The following PARL variants were observed in gnomAD, a reference collection of about 807,000 sequenced individuals.
PARL encodes the protein presenilin-associated rhomboid-like protein, mitochondrial.
A neutral mutation model predicts 51.6 loss-of-function variants in PARL; 44 were observed. The ratio of observed to expected loss-of-function variants is 0.85; its 90% CI spans 0.67 to 1.10. PARL has a LOEUF of 1.10. PARL is among the 50% of genes least tolerant of loss of function. The pLI, the probability that PARL is intolerant of heterozygous loss-of-function variation, is 0.00. For missense variants in PARL, 441 were observed against 469.5 expected, an observed-to-expected ratio of 0.94 and a Z score of 0.56; for synonymous variants, 172 against 164.0, an observed-to-expected ratio of 1.05 and a Z score of -0.37.
rs1305038159 is a variant in PARL at position 183,848,231 on chromosome 3, TTTTG to T, written c.512-3909_512-3906del. Among the ~76,000 whole-genome samples, 9 of 152,306 alleles carry T rather than the reference TTTTG, an allele frequency of 5.9e-5. 1 individual carries two copies. The highest frequency in any genetic ancestry group is 6.8e-3 in the Middle Eastern group (2 of 294). Reference sequence around the variant, plus strand: ...TCAAAACACCTAGCTTTGCAGCGTTTTTTGTTTGTTTATTCATTTTTTTCTTTTT... The same window carrying T: ...TCAAAACACCTAGCTTTGCAGCGTTTTTTGTTTATTCATTTTTTTCTTTTT... On this transcript the variant is annotated intron_variant, in intron 4 of 9. Transcript: ENST00000317096.
At chr3:183,843,083 C>G in intron 5 of PARL, 1 of 356,920 alleles carries the variant, frequency 2.8e-6, no homozygotes, top group Non-Finnish European at 3.9e-6. Context: ...GGGGTTTCAC[C>G]ATGTTTCCCA....
rs1406548426 is a variant in PARL at position 183,884,854 on chromosome 3, A to C, written c.-8T>G. Reference sequence around the variant, plus strand: ...CCAGCCTCGCCACGCCATCTTCCCAACCTCTGCCCCACCATGGCCCGACCT... The same window carrying C: ...CCAGCCTCGCCACGCCATCTTCCCACCCTCTGCCCCACCATGGCCCGACCT... On this transcript the variant is annotated 5_prime_UTR_variant, in exon 1 of 10. Transcript: ENST00000317096. 2 of 1,596,880 alleles carry C rather than the reference A, an allele frequency of 1.3e-6. No homozygotes were observed. Among genetic ancestry groups the C allele is most frequent in the East Asian group, 4.5e-5 (2 of 44,838 alleles).
At chr3:183,845,675 A>G (rs1014126470) in intron 4 of PARL, among the ~76,000 whole-genome samples, 7 of 152,220 alleles carry the variant, frequency 4.6e-5, no homozygotes, top group South Asian at 4.1e-4. Flanking sequence ...ACACCTCCCA[A>G]TGTGGAGCCT....
Position 183,833,745 on chromosome 3 carries a change from C to T in PARL, c.909G>A (p.Met303Ile), listed in dbSNP as rs1728227553. 1.2e-6 allele frequency: 2 copies of T among 1,610,600 alleles called. No homozygotes were observed. The highest frequency in any genetic ancestry group is 2.7e-5 in the African/African-American group (2 of 74,872). ...EGRLAIIFLP[M>I]FTFTAGNALK... The stretch of plus-strand genomic sequence containing the variant: ...TTACATTCCCTGCTGTGAACGTGAA[C>T]ATCGGAAGGAAAATAATGGCAAGCC... Residue 303 changes from methionine (M) to isoleucine (I), a missense_variant, in exon 8 of 10, where the codon ATG (methionine) becomes ATA (isoleucine). Transcript: ENST00000317096.
intron 1 of PARL, among the ~76,000 whole-genome samples, chr3:183,882,225 ATATATATATATATATATATTT>A (rs1355794677): frequency 0.035 from 2,722 of 77,848 alleles, 297 homozygotes; most frequent in African/African-American, 0.18. Context: ...AAAAAAAAAT[ATATATATATATATATATATTT>A]ATATATATAT....
chr3:183,839,892 C>T (rs1729089246), intron 7 of PARL, among the ~76,000 whole-genome samples: 1 of 152,106 alleles, frequency 6.6e-6, no homozygotes, highest in African/African-American at 2.4e-5. Flanking sequence ...GCCACCACCC[C>T]CAGTTAATTT....
chr3:183,845,856 A>G (rs1169543063), intron 4 of PARL, among the ~76,000 whole-genome samples: 1 of 152,218 alleles, frequency 6.6e-6, no homozygotes, highest in African/African-American at 2.4e-5. Context: ...CTAGGTTGTC[A>G]TACCCAGTGA....
chr3:183,882,681 T>C (rs1279912277), intron 1 of PARL, among the ~76,000 whole-genome samples: 2 of 152,190 alleles, frequency 1.3e-5, no homozygotes, highest in East Asian at 1.9e-4. Flanking sequence ...TCGGTCTTTG[T>C]GGACTACTGA....
At chr3:183,836,115 G>A (rs1294111585) in intron 7 of PARL, among the ~76,000 whole-genome samples, 5 of 149,770 alleles carry the variant, frequency 3.3e-5, no homozygotes, top group Admixed American at 1.4e-4. Context: ...TACTCAGGAG[G>A]TTGAGGCAGG....
intron 1 of PARL, among the ~76,000 whole-genome samples, chr3:183,880,552 C>T (rs1734327654): frequency 6.6e-6 from 1 of 152,208 alleles, no homozygotes; most frequent in South Asian, 2.1e-4. Context: ...CAGGCGCCTG[C>T]CACCACACCT....
At chr3:183,854,794 T>C (rs1222355129) in intron 4 of PARL, among the ~76,000 whole-genome samples, 1 of 149,956 alleles carries the variant, frequency 6.7e-6, no homozygotes, top group Admixed American at 6.7e-5. Flanking sequence ...ATTCCATTCC[T>C]GGCTATATAT....
chr3:183,868,769 GAACA>G (rs1286935596), intron 1 of PARL, among the ~76,000 whole-genome samples: 2 of 152,220 alleles, frequency 1.3e-5, no homozygotes, highest in Admixed American at 1.3e-4. Context: ...TCAATTTCTG[GAACA>G]AATATTTAAA....
At chr3:183,830,451 G>A (rs1416653906) in intron 9 of PARL, among the ~76,000 whole-genome samples, 5 of 152,224 alleles carry the variant, frequency 3.3e-5, no homozygotes, top group Admixed American at 3.3e-4. Context: ...GGAGCACACT[G>A]CGCTCTGGGA....
At chr3:183,842,561 G>T in intron 5 of PARL, 114 bp from the exon 6 acceptor site, 2 of 976,866 alleles carry the variant, frequency 2.0e-6, no homozygotes, top group Non-Finnish European at 3.2e-6. Context: ...TGTAATCCCA[G>T]CACTTTGGGA....
In PARL at chr3:183,833,525, T is replaced by C; in HGVS notation, c.995A>G (p.His332Arg). Residue 332 changes from histidine (H) to arginine (R), a missense_variant, in exon 9 of 10, where the codon CAT (histidine) becomes CGT (arginine). His to Arg is a conservative substitution (Grantham distance 29). Transcript: ENST00000317096. ...AAGAGCTCCCCCAAGATGTGCCGCA[T>C]GATCAAAAAATTTCCATCCCAGGAT... ...GMILGWKFFD[H>R]AAHLGGALFG... The C allele has an allele frequency of 6.2e-7, 1 of 1,613,678 alleles. No individual in the cohort carries two copies. The highest frequency in any genetic ancestry group is 8.5e-7 in the Non-Finnish European group (1 of 1,179,578).
chr3:183,870,015 C>T (rs1480446030), intron 1 of PARL, among the ~76,000 whole-genome samples: 1 of 151,702 alleles, frequency 6.6e-6, no homozygotes, highest in African/African-American at 2.4e-5. Context: ...CAGTGGCTCA[C>T]GCCTGTAATC....
downstream of PARL, among the ~76,000 whole-genome samples, chr3:183,828,336 CG>C (rs1560361156): frequency 6.6e-6 from 1 of 152,122 alleles, no homozygotes; most frequent in Non-Finnish European, 1.5e-5. Flanking sequence ...CTCTGGAAAA[CG>C]CATCTTGCCT....
At chr3:183,840,786 G>T in intron 6 of PARL, 146 bp from the exon 7 acceptor site, 1 of 580,582 alleles carries the variant, frequency 1.7e-6, no homozygotes. Context: ...TTGGCTCACT[G>T]CAACCTGTGC....
chr3:183,827,883 CAAG>C (rs906063533), downstream of PARL, among the ~76,000 whole-genome samples: 3 of 152,164 alleles, frequency 2.0e-5, no homozygotes, highest in African/African-American at 7.2e-5. Context: ...TGCACCCACT[CAAG>C]AAGTGTATGG....
Sources: allele counts gnomAD v4.1 joint callset (sites outside exome capture counted in the v4.1 genomes callset), GRCh38; gene constraint gnomAD v4.1.1; transcripts MANE v1.5; gene names NCBI Gene and HGNC (gene_info 2026-07-23, HGNC 2026-07-21).